CPAMD8: variants seen among roughly 807,000 people sequenced by gnomAD.
The protein encoded by CPAMD8 is C3 and PZP like alpha-2-macroglobulin domain containing 8, also known as C3 and PZP-like alpha-2-macroglobulin domain-containing protein 8.
CPAMD8 carries 146 observed loss-of-function variants against 224.7 expected under a neutral mutation model. The observed-to-expected ratio is 0.65, with a 90% CI of 0.57 to 0.75. The LOEUF is 0.75. CPAMD8 is among the 30% of genes least tolerant of loss of function. The probability of loss-of-function intolerance (pLI) is 0.00; values close to 1 mark genes in which losing one functional copy is unlikely to be tolerated. For missense variants in CPAMD8, 2,301 were observed against 2,537.5 expected, an observed-to-expected ratio of 0.91 and a Z score of 2.00; for synonymous variants, 966 against 1,044.6, an observed-to-expected ratio of 0.92 and a Z score of 1.45.
chr19:16,929,025 C>A lies in CPAMD8; in HGVS notation c.3061G>T (p.Val1021Leu). The stretch of plus-strand genomic sequence containing the variant: ...ATCTTGGCCGTGTGTGCACTGGCCA[C>A]GGGCTCTCCCATCTTGCTGGTGGAG... ...WISTSKMGEP[V>L]ASAHTAKILS... is the part of the protein sequence containing the mutation. Residue 1021 changes from valine to leucine, a missense_variant, in exon 24 of 42, where the codon GTG becomes TTG. This residue lies in a region of CPAMD8 where 1,709 missense variants were observed against 1,753.2 expected (regional missense o/e 0.97). Transcript: ENST00000443236. 6.2e-7 allele frequency: 1 copy of A among 1,613,872 alleles called. No individual in the cohort carries two copies. The highest frequency in any genetic ancestry group is 1.1e-5 in the South Asian group (1 of 91,064).
chr19:16,925,398 GT>G, intron 25 of CPAMD8, 26 bp from the exon 26 acceptor site: 1 of 1,585,346 alleles, frequency 6.3e-7, no homozygotes. Context: ...AGAGAGTTGA[GT>G]TGGGGGCTGT....
At chr19:17,016,193 G>A (rs549219330) in intron 3 of CPAMD8, among the ~76,000 whole-genome samples, 17 of 152,202 alleles carry the variant, frequency 1.1e-4, no homozygotes, top group South Asian at 2.1e-4. Flanking sequence ...GGCCTCAAGC[G>A]ATCCTCCAGT....
At chr19:16,923,959 C>A (rs75938274) in intron 26 of CPAMD8, among the ~76,000 whole-genome samples, 267 of 127,722 alleles carry the variant, frequency 2.1e-3, no homozygotes, top group African/African-American at 5.6e-3. Context: ...CTAGCTCTTA[C>A]AAAAAAAAAA....
rs2054308400 is a variant in CPAMD8 at position 16,951,913 on chromosome 19, G to A, written c.2508+56C>T. The A allele has an allele frequency of 2.7e-6, 3 of 1,100,374 alleles. No homozygotes were observed. In the East Asian group the frequency reaches 7.8e-5, roughly 28 times the overall value. The allele number at this position is 1,100,374 out of a possible 1,614,324, so 68.2% of individuals were successfully genotyped here. On this transcript the variant is annotated intron_variant, in intron 20 of 41. Coordinates refer to ENST00000443236, the MANE Select transcript of CPAMD8 (RefSeq NM_015692.5). Reference sequence around the variant, plus strand: ...CCCCTGCCTACCTTATAGCACCAATGCAGTCCCAACTCCCCACTGAATGGA... The same window carrying A: ...CCCCTGCCTACCTTATAGCACCAATACAGTCCCAACTCCCCACTGAATGGA...
intron 17 of CPAMD8, among the ~76,000 whole-genome samples, chr19:16,972,471 C>T (rs894231969): frequency 2.4e-4 from 36 of 151,922 alleles, no homozygotes; most frequent in African/African-American, 8.2e-4. Flanking sequence ...CTCACTCTGT[C>T]GCCCAGGCTG....
At chr19:16,923,908 A>G (rs1568481045) in intron 26 of CPAMD8, among the ~76,000 whole-genome samples, 1 of 151,986 alleles carries the variant, frequency 6.6e-6, no homozygotes, top group South Asian at 2.1e-4. Context: ...GTGAGCTATG[A>G]TCGCACCATT....
chr19:16,992,713 A>G (rs1000594260), intron 12 of CPAMD8, among the ~76,000 whole-genome samples: 1 of 152,090 alleles, frequency 6.6e-6, no homozygotes, highest in African/African-American at 2.4e-5. Context: ...TGGCCTCCCA[A>G]CGTGCTGGGA....
At chr19:16,974,218 G>A (rs1386253498) in intron 17 of CPAMD8, among the ~76,000 whole-genome samples, 10 of 151,140 alleles carry the variant, frequency 6.6e-5, no homozygotes, top group South Asian at 2.1e-4. Flanking sequence ...TGCAAGCTCC[G>A]CCTCCCAGGT....
At chr19:17,010,746 G>A (rs1445624002) in intron 5 of CPAMD8, among the ~76,000 whole-genome samples, 1 of 152,130 alleles carries the variant, frequency 6.6e-6, no homozygotes, top group Non-Finnish European at 1.5e-5. Flanking sequence ...AATATAGCCA[G>A]GTGCAGTGGC....
Position 16,970,875 on chromosome 19 carries a change from A to G in CPAMD8, c.2213+16T>C, listed in dbSNP as rs2055035550. 2.5e-6 allele frequency: 4 copies of G among 1,612,272 alleles called. No individual in the cohort carries two copies. The highest frequency in any genetic ancestry group is 3.4e-6 in the Non-Finnish European group (4 of 1,179,260). ...GACCAGGGTTAGAAAACCTTGCTCA[A>G]TGTATAAGCCGTTACCTGGGGGGGT... On this transcript the variant is annotated intron_variant, in intron 18 of 41. Coordinates refer to ENST00000443236, the MANE Select transcript of CPAMD8 (RefSeq NM_015692.5).
intron 9 of CPAMD8, among the ~76,000 whole-genome samples, chr19:17,000,925 A>G (rs1195937138): frequency 2.0e-5 from 3 of 152,194 alleles, no homozygotes; most frequent in African/African-American, 7.2e-5. Flanking sequence ...CACCCAGAGA[A>G]TGGGACTCAA....
chr19:17,012,551 A>G (rs2056689816), intron 3 of CPAMD8, among the ~76,000 whole-genome samples: 1 of 142,460 alleles, frequency 7.0e-6, no homozygotes, highest in Non-Finnish European at 1.5e-5. Context: ...GTCTCACTCT[A>G]TTGCCCAGGC....
chr19:16,903,960 G>A, intron 32 of CPAMD8, 103 bp from the exon 33 acceptor site: 1 of 1,209,388 alleles, frequency 8.3e-7, no homozygotes, highest in South Asian at 1.4e-5. Flanking sequence ...CACCAACGGG[G>A]CTGGAATAGA....
chr19:17,016,454 C>A (rs145006253), intron 3 of CPAMD8, among the ~76,000 whole-genome samples: 141 of 152,274 alleles, frequency 9.3e-4, no homozygotes, highest in Admixed American at 2.3e-3. Context: ...GAAATGGCTT[C>A]CTGACTCATA....
chr19:16,956,792 C>T lies in CPAMD8; in HGVS notation c.2276+1061G>A, dbSNP rs374149466. ...ATGCCACTCTCTTACCTCAGCCTCCCGAGTAGCTGGGACTACAGGCGCCCG... is the reference window on the plus strand; with the variant it reads ...ATGCCACTCTCTTACCTCAGCCTCCTGAGTAGCTGGGACTACAGGCGCCCG... On this transcript the variant is annotated intron_variant, in intron 19 of 41. Coordinates refer to ENST00000443236, the MANE Select transcript of CPAMD8 (RefSeq NM_015692.5). Among the ~76,000 whole-genome samples the T allele has an allele frequency of 2.6e-3, 399 of 151,984 alleles. 3 individuals are homozygous for T. The highest frequency in any genetic ancestry group is 9.2e-3 in the African/African-American group (380 of 41,446).
At chr19:17,026,444 G>A (rs1240636619) in intron 1 of CPAMD8, 107 bp downstream of exon 1, 4 of 1,208,126 alleles carry the variant, frequency 3.3e-6, no homozygotes, top group African/African-American at 3.2e-5. Flanking sequence ...CCAGCCCAGC[G>A]CGGAGGCTGT....
chr19:16,914,620 T>C (rs1359440719), intron 28 of CPAMD8, 37 bp downstream of exon 28: 3 of 1,609,330 alleles, frequency 1.9e-6, no homozygotes, highest in Non-Finnish European at 2.5e-6. Flanking sequence ...TGGGAGGAGG[T>C]GAGGGGCCCG....
chr19:16,899,473 ACCT>A lies in CPAMD8; in HGVS notation c.4847_4848+1del, dbSNP rs1253944069. The A allele has an allele frequency of 1.4e-6, 2 of 1,458,590 alleles. No homozygotes were observed. The highest frequency in any genetic ancestry group is 2.3e-5 in the South Asian group (2 of 88,034). 90.4% of individuals were successfully genotyped at this position (1,458,590 alleles called of 1,614,324 possible). ...TCCTCCACCAACCCCGGCTGGTGGT[ACCT>A]CATCAAAGTAGAAGAGCACTCGGCG... On this transcript the variant is annotated splice_donor_variant and coding_sequence_variant, in exon 37 of 42. Coordinates refer to ENST00000443236, the MANE Select transcript of CPAMD8 (RefSeq NM_015692.5). LOFTEE classifies it high-confidence loss of function. The surrounding 1 kb of genome is among the most constrained non-coding windows in gnomAD (Gnocchi z 5.4).
intron 13 of CPAMD8, among the ~76,000 whole-genome samples, chr19:16,984,407 G>A (rs2055639963): frequency 6.7e-6 from 1 of 150,044 alleles, no homozygotes; most frequent in South Asian, 2.1e-4. Flanking sequence ...CAAAACAGAT[G>A]AAAGACCTAA....
Sources: gnomAD v4.1 joint callset for allele counts (sites outside exome capture counted in the v4.1 genomes callset) on GRCh38, gnomAD v4.1.1 for gene constraint, gnomAD v4.1.1 regional missense constraint, Gnocchi (gnomAD v3.1) non-coding constraint, MANE v1.5 for transcripts, NCBI Gene and HGNC (gene_info 2026-07-23, HGNC 2026-07-21) for gene names.